CDH20: variants seen among roughly 807,000 people sequenced by gnomAD.
The protein encoded by CDH20 is cadherin-20.
Under a neutral mutation model 74.2 loss-of-function variants are expected in CDH20, and 29 were observed. That is an observed-to-expected ratio of 0.39 (90% CI 0.29 to 0.53). The LOEUF (loss-of-function observed/expected upper bound fraction) is 0.53, where lower values mean the gene tolerates loss of function less well. CDH20 is among the 20% of genes least tolerant of loss of function. CDH20 has a pLI of 0.69. For missense variants in CDH20, 988 were observed against 1,048.3 expected (o/e 0.94, Z 0.79); for synonymous variants, 469 against 405.4 (o/e 1.16, Z -1.88).
intron 3 of CDH20, among the ~76,000 whole-genome samples, chr18:61,500,091 A>C (rs1911313343): frequency 8.9e-6 from 1 of 112,068 alleles, no homozygotes; most frequent in African/African-American, 3.6e-5. Flanking sequence ...CGACAGAGTG[A>C]GACTCCATCT....
At chr18:61,454,971 G>C (rs1438876558) in intron 1 of CDH20, among the ~76,000 whole-genome samples, 1 of 152,158 alleles carries the variant, frequency 6.6e-6, no homozygotes, top group Non-Finnish European at 1.5e-5. Flanking sequence ...GCAGGCATCT[G>C]ACTACAGGGA....
intron 1 of CDH20, among the ~76,000 whole-genome samples, chr18:61,340,950 T>C (rs764347358): frequency 2.8e-4 from 42 of 152,222 alleles, no homozygotes; most frequent in Non-Finnish European, 5.9e-4. Flanking sequence ...ACAAAATAGA[T>C]AGAAATGAAC....
intron 1 of CDH20, among the ~76,000 whole-genome samples, chr18:61,481,259 T>C (rs1010639860): frequency 6.6e-6 from 1 of 152,160 alleles, no homozygotes; most frequent in African/African-American, 2.4e-5. Context: ...TTTGAATAGA[T>C]AGATAAAAAG....
intron 9 of CDH20, among the ~76,000 whole-genome samples, chr18:61,540,911 C>G (rs1402706876): frequency 6.6e-6 from 1 of 152,228 alleles, no homozygotes; most frequent in Non-Finnish European, 1.5e-5. Context: ...CGATTCTGAT[C>G]TAAATTTATC....
chr18:61,422,450 A>G (rs949118645), intron 1 of CDH20, among the ~76,000 whole-genome samples: 1 of 152,220 alleles, frequency 6.6e-6, no homozygotes, highest in Non-Finnish European at 1.5e-5. Flanking sequence ...ATAAATAAAT[A>G]GCCACATTAA....
chr18:61,390,214 A>T (rs890581696), intron 1 of CDH20, among the ~76,000 whole-genome samples: 2 of 152,220 alleles, frequency 1.3e-5, no homozygotes, highest in African/African-American at 4.8e-5. Flanking sequence ...TGCTTAGCTC[A>T]GTAAATATGT....
chr18:61,352,132 T>G (rs1178739010), intron 1 of CDH20, among the ~76,000 whole-genome samples: 2 of 152,210 alleles, frequency 1.3e-5, no homozygotes, highest in East Asian at 3.8e-4. Context: ...ATTCAGGAAC[T>G]TACAGTACAC....
At position 61,453,276 on chromosome 18, in the gene CDH20, GTTTT is replaced by G. The variant is rs200865676; in HGVS notation, c.-152-37122_-152-37119del. Reference sequence around the variant, plus strand: ...AACCACATGAGGCCTAATCTTTTCTGTTTTTTTGTTTGTTTTTTTGAGACGGAGT... The same window carrying G: ...AACCACATGAGGCCTAATCTTTTCTGTTTGTTTGTTTTTTTGAGACGGAGT... On this transcript the variant is annotated intron_variant, in intron 1 of 11. Transcript: ENST00000262717. Among the ~76,000 whole-genome samples the G allele has an allele frequency of 7.2e-3, 1,089 of 152,058 alleles. 8 individuals carry two copies. The highest frequency in any genetic ancestry group is 0.012 in the Non-Finnish European group (806 of 67,974).
At chr18:61,443,319 C>G (rs961172052) in intron 1 of CDH20, among the ~76,000 whole-genome samples, 4 of 152,150 alleles carry the variant, frequency 2.6e-5, no homozygotes, top group Admixed American at 1.3e-4. Flanking sequence ...AATCACTTCT[C>G]AGTTCCATCT....
chr18:61,382,464 T>G (rs1026351326), intron 1 of CDH20, among the ~76,000 whole-genome samples: 1 of 152,202 alleles, frequency 6.6e-6, no homozygotes, highest in Non-Finnish European at 1.5e-5. Context: ...AGTGGTAGTT[T>G]CCCACTCTTA....
At chr18:61,490,858 G>T in intron 2 of CDH20, 59 bp downstream of exon 2, 1 of 1,572,714 alleles carries the variant, frequency 6.4e-7, no homozygotes, top group South Asian at 1.1e-5. Context: ...AATATGAATT[G>T]AGTATCAAAG....
At chr18:61,453,582 C>T (rs1909470863) in intron 1 of CDH20, among the ~76,000 whole-genome samples, 1 of 152,170 alleles carries the variant, frequency 6.6e-6, no homozygotes, top group Non-Finnish European at 1.5e-5. Flanking sequence ...CCCAGCCGAT[C>T]TAACCTTTTC....
In CDH20 at chr18:61,425,677, A is replaced by G. The variant is rs140346789; in HGVS notation, c.-152-64725A>G. On this transcript the variant is annotated intron_variant, in intron 1 of 11. Transcript: ENST00000262717. ...TATGAGGATGAAAAGCATAAGAATT[A>G]TATAATGGACTTAGGGGACTTGGGG... is the stretch of plus-strand genomic sequence containing the variant. Among the ~76,000 whole-genome samples, 455 of 152,322 alleles carry G rather than the reference A, an allele frequency of 3.0e-3. 8 individuals are homozygous for G. The highest frequency in any genetic ancestry group is 0.01 in the African/African-American group (419 of 41,576).
chr18:61,479,415 G>A (rs974598156), intron 1 of CDH20, among the ~76,000 whole-genome samples: 2 of 152,010 alleles, frequency 1.3e-5, no homozygotes, highest in Non-Finnish European at 2.9e-5. Context: ...GTTCCAGTGG[G>A]GTAATTGAGC....
chr18:61,522,445 G>A (rs1010338505), intron 6 of CDH20, among the ~76,000 whole-genome samples: 1 of 152,198 alleles, frequency 6.6e-6, no homozygotes, highest in Non-Finnish European at 1.5e-5. Flanking sequence ...AACATTCCAT[G>A]CTCATGGATA....
chr18:61,448,664 T>G (rs889362847), intron 1 of CDH20, among the ~76,000 whole-genome samples: 9 of 152,212 alleles, frequency 5.9e-5, no homozygotes, highest in African/African-American at 1.9e-4. Flanking sequence ...TTTGTTTTCA[T>G]GAAGACATGA....
At chr18:61,512,339 C>G (rs561547931) in intron 6 of CDH20, among the ~76,000 whole-genome samples, 1 of 152,120 alleles carries the variant, frequency 6.6e-6, no homozygotes, top group Admixed American at 6.5e-5. Context: ...TTCCATCTTA[C>G]GACAAGAAGA....
At chr18:61,411,710 C>A (rs563221186) in intron 1 of CDH20, among the ~76,000 whole-genome samples, 12 of 152,028 alleles carry the variant, frequency 7.9e-5, no homozygotes, top group African/African-American at 2.9e-4. Flanking sequence ...GCATCTGCAG[C>A]AACCTGGATG....
chr18:61,531,318 T>C (rs1042219537), intron 7 of CDH20, among the ~76,000 whole-genome samples: 4 of 152,148 alleles, frequency 2.6e-5, no homozygotes, highest in African/African-American at 9.7e-5. Flanking sequence ...TTGCCGTAGG[T>C]CTGAGTATAG....
Sources: gnomAD v4.1 joint callset for allele counts (sites outside exome capture counted in the v4.1 genomes callset) on GRCh38, gnomAD v4.1.1 for gene constraint, MANE v1.5 for transcripts, NCBI Gene and HGNC (gene_info 2026-07-23, HGNC 2026-07-21) for gene names.